Variants in GTF2E1 observed in about 807,000 individuals in gnomAD.
The protein encoded by GTF2E1 is TFIIE alpha subunit.
GTF2E1 carries 14 observed loss-of-function variants against 34.9 expected under a neutral mutation model. The ratio of observed to expected loss-of-function variants is 0.40; its 90% CI spans 0.27 to 0.63. GTF2E1 has a LOEUF of 0.63. Ranked by LOEUF, GTF2E1 falls within the 20% of genes least tolerant of loss-of-function variation. The pLI, the probability that GTF2E1 is intolerant of heterozygous loss-of-function variation, is 0.39. For synonymous variants in GTF2E1, 188 were observed against 192.9 expected (o/e 0.97, Z 0.21); for missense variants, 469 against 557.7 (o/e 0.84, Z 1.60).
intron 2 of GTF2E1, among the ~76,000 whole-genome samples, chr3:120,757,007 TTGCTTATTTGTGAAGAGTTGCTTTTTAG>T (rs1709215611): frequency 1.3e-5 from 2 of 152,222 alleles, no homozygotes; most frequent in Non-Finnish European, 2.9e-5. Context: ...GCTAATTTAT[TTGCTTATTTGTGAAGAGTTGCTTTTTAG>T]TTTTGATGCT....
rs146481914 is a variant in GTF2E1, at chr3:120,751,158, G to T, written c.448+158G>T. ...ACAGTCAGTCTTACTGTCCTGTTTG[G>T]CTGTCGCACTACTTTGAGAAGCCTT... On this transcript the variant is annotated intron_variant, in intron 2 of 4. Transcript: ENST00000283875. 16 of 564,628 alleles carry T rather than the reference G, an allele frequency of 2.8e-5. No individual in the cohort carries two copies. In the East Asian group the frequency reaches 2.9e-4, roughly 10 times the overall value. The allele number at this position is 564,628 out of a possible 1,614,324, so 35.0% of individuals were successfully genotyped here. A position where few individuals can be genotyped will look rare whatever the true frequency, so the allele number is the denominator to read the frequency against.
intron 1 of GTF2E1, among the ~76,000 whole-genome samples, chr3:120,747,343 C>T (rs975074742): frequency 6.6e-6 from 1 of 151,786 alleles, no homozygotes; most frequent in South Asian, 2.1e-4. Context: ...GTGTGCTGCA[C>T]CCATTAACTC....
Position 120,770,779 on chromosome 3 carries a change from C to T in GTF2E1, c.500C>T (p.Ala167Val). ...ACAGAGGTAGAAGAGGATGAATCAG[C>T]AATGCCCAAAAAAGATGCACGCACA... ...CHTEVEEDES[A>V]MPKKDARTLL... Residue 167 changes from alanine to valine, a missense_variant, in exon 3 of 5, where the codon GCA (alanine) becomes GTA (valine). Coordinates refer to ENST00000283875, the MANE Select transcript of GTF2E1 (RefSeq NM_005513.3). The T allele has an allele frequency of 6.2e-7, 1 of 1,613,612 alleles. No individual in the cohort carries two copies.
chr3:120,757,854 C>T (rs1709222050), intron 2 of GTF2E1, among the ~76,000 whole-genome samples: 1 of 152,172 alleles, frequency 6.6e-6, no homozygotes, highest in Non-Finnish European at 1.5e-5. Flanking sequence ...CGTTTTCTTT[C>T]TTTTAAAAAT....
intron 3 of GTF2E1, among the ~76,000 whole-genome samples, chr3:120,772,744 T>A (rs1225515880): frequency 6.6e-6 from 1 of 152,182 alleles, no homozygotes; most frequent in African/African-American, 2.4e-5. Flanking sequence ...TTATTTGTCC[T>A]GTTTATCAAG....
At chr3:120,752,252 G>C (rs1386180547) in intron 2 of GTF2E1, among the ~76,000 whole-genome samples, 4 of 152,132 alleles carry the variant, frequency 2.6e-5, no homozygotes, top group Non-Finnish European at 5.9e-5. Flanking sequence ...ACCATCCTCG[G>C]TATGAGAATT....
intron 2 of GTF2E1, among the ~76,000 whole-genome samples, chr3:120,764,762 A>G (rs1281437785): frequency 6.6e-6 from 1 of 152,088 alleles, no homozygotes; most frequent in Non-Finnish European, 1.5e-5. Flanking sequence ...AGAATAAACA[A>G]GTTTTTGGTG....
At chr3:120,777,772 T>TG (rs1238451751) in intron 4 of GTF2E1, among the ~76,000 whole-genome samples, 1 of 152,176 alleles carries the variant, frequency 6.6e-6, no homozygotes, top group African/African-American at 2.4e-5. Flanking sequence ...GTTGCCTAGG[T>TG]TGGAGTACAG....
At chr3:120,753,906 C>G (rs1190405306) in intron 2 of GTF2E1, among the ~76,000 whole-genome samples, 2 of 152,168 alleles carry the variant, frequency 1.3e-5, no homozygotes, top group East Asian at 3.8e-4. Context: ...CCTTTGCACA[C>G]TAGTCAATCA....
chr3:120,780,441 A>C (rs571922349), intron 4 of GTF2E1, among the ~76,000 whole-genome samples: 1 of 152,316 alleles, frequency 6.6e-6, no homozygotes, highest in African/African-American at 2.4e-5. Context: ...GGGAACAGGT[A>C]ATGCAAAGGC....
At chr3:120,780,948 G>A (rs112802068) in intron 4 of GTF2E1, 95 bp from the exon 5 acceptor site, 29 of 781,020 alleles carry the variant, frequency 3.7e-5, no homozygotes, top group African/African-American at 5.2e-5. Flanking sequence ...TTATTTTATC[G>A]TATTATTTAA....
At chr3:120,751,144 T>G in intron 2 of GTF2E1, 144 bp downstream of exon 2, 1 of 599,034 alleles carries the variant, frequency 1.7e-6, no homozygotes, top group Non-Finnish European at 2.9e-6. Context: ...CAGTCAGTCT[T>G]ACTGTCCTGT....
chr3:120,760,707 G>T (rs923523104), intron 2 of GTF2E1, among the ~76,000 whole-genome samples: 1 of 152,140 alleles, frequency 6.6e-6, no homozygotes, highest in Non-Finnish European at 1.5e-5. Flanking sequence ...CATTGGTTCT[G>T]TTTATGTGAT....
chr3:120,761,061 G>A (rs1559831827), intron 2 of GTF2E1, among the ~76,000 whole-genome samples: 1 of 151,950 alleles, frequency 6.6e-6, no homozygotes. Context: ...GACTTTTTTT[G>A]GTTGGTAGGC....
chr3:120,776,336 A>T, intron 3 of GTF2E1, 87 bp from the exon 4 acceptor site: 1 of 1,169,816 alleles, frequency 8.5e-7, no homozygotes, highest in Non-Finnish European at 1.2e-6. Context: ...GTAGTATTTC[A>T]GTAATTGCCT....
At chr3:120,759,221 G>C (rs576016129) in intron 2 of GTF2E1, among the ~76,000 whole-genome samples, 2 of 152,228 alleles carry the variant, frequency 1.3e-5, no homozygotes, top group East Asian at 3.9e-4. Flanking sequence ...GCATATGTTG[G>C]CTGCATAAAT....
rs147565735 is a variant in GTF2E1 at position 120,756,917 on chromosome 3, C to T, written c.448+5917C>T. On this transcript the variant is annotated intron_variant, in intron 2 of 4. Coordinates refer to ENST00000283875, the MANE Select transcript of GTF2E1 (RefSeq NM_005513.3). ...CTCCAGTCTGGGCGACAGAGTGAAA[C>T]TTCATCTCAGAAAACAAACAAACAA... 5.8e-3 allele frequency among the ~76,000 whole-genome samples: 877 copies of T among 152,172 alleles called. 8 individuals carry two copies. The highest frequency in any genetic ancestry group is 0.02 in the African/African-American group (818 of 41,496).
In GTF2E1 at chr3:120,776,568, C is replaced by T; in HGVS notation, c.796C>T (p.Arg266Ter). 1 of 1,613,878 alleles carries T rather than the reference C, an allele frequency of 6.2e-7. No homozygotes were observed. Among genetic ancestry groups the T allele is most frequent in the Non-Finnish European group, 8.5e-7 (1 of 1,179,846 alleles). ...CATGGATGACCAAGAAGATCTTCAT[C>T]GAGCCTCACTGGAAGGGAAATCTGC... ...INMDDQEDLH[R>*]ASLEGKSAKE... is the part of the protein sequence containing the mutation. Residue 266 changes from arginine (R) to a stop codon, truncating the protein, a stop_gained, in exon 4 of 5, where the codon CGA (arginine) becomes TGA (stop). Coordinates refer to ENST00000283875, the MANE Select transcript of GTF2E1 (RefSeq NM_005513.3). LOFTEE classifies it high-confidence loss of function.
intron 2 of GTF2E1, among the ~76,000 whole-genome samples, chr3:120,770,023 C>CCCATGT (rs1451385711): frequency 6.6e-6 from 1 of 152,084 alleles, no homozygotes; most frequent in Non-Finnish European, 1.5e-5. Flanking sequence ...ATCAATCATA[C>CCCATGT]ATGGGGCCTT....
Sources: gnomAD v4.1 joint callset for allele counts (sites outside exome capture counted in the v4.1 genomes callset) on GRCh38, gnomAD v4.1.1 for gene constraint, MANE v1.5 for transcripts, NCBI Gene and HGNC (gene_info 2026-07-23, HGNC 2026-07-21) for gene names.